Variants in PTPN4 observed in about 807,000 individuals in gnomAD.
PTPN4 encodes the protein tyrosine-protein phosphatase non-receptor type 4.
Under a neutral mutation model 135.5 loss-of-function variants are expected in PTPN4, and 49 were observed. The observed-to-expected ratio is 0.36, with a 90% CI of 0.29 to 0.46. PTPN4 has a LOEUF of 0.46. Among genes scored for constraint, PTPN4 ranks in the 20% least tolerant of loss-of-function variants. The pLI is 1.00. For synonymous variants in PTPN4, 333 were observed against 369.9 expected (o/e 0.90, Z 1.14); for missense variants, 860 against 1,101.0 (o/e 0.78, Z 3.10).
intron 13 of PTPN4, among the ~76,000 whole-genome samples, chr2:119,932,039 C>T (rs1678914276): frequency 6.6e-6 from 1 of 152,104 alleles, no homozygotes. Context: ...TTTAATACAT[C>T]CCAAGATAAG....
chr2:119,838,866 G>A (rs1677337507), intron 2 of PTPN4, among the ~76,000 whole-genome samples: 1 of 152,158 alleles, frequency 6.6e-6, no homozygotes, highest in Admixed American at 6.5e-5. Flanking sequence ...AATATGTATT[G>A]ATTGTTTTAT....
chr2:119,889,048 C>T (rs1678200462), intron 9 of PTPN4, among the ~76,000 whole-genome samples: 1 of 152,088 alleles, frequency 6.6e-6, no homozygotes, highest in Non-Finnish European at 1.5e-5. Context: ...CTTCTTGATT[C>T]AGTCGTGGTA....
intron 15 of PTPN4, among the ~76,000 whole-genome samples, chr2:119,941,606 T>G (rs565387135): frequency 1.3e-5 from 2 of 152,164 alleles, no homozygotes; most frequent in African/African-American, 4.8e-5. Flanking sequence ...TGTCTGCCAC[T>G]CTCTGAAAAG....
At chr2:119,958,197 C>T (rs889333692) in intron 22 of PTPN4, among the ~76,000 whole-genome samples, 4 of 151,716 alleles carry the variant, frequency 2.6e-5, no homozygotes, top group Non-Finnish European at 5.9e-5. Context: ...AATTAGCAGT[C>T]ATGGTGGTGC....
intron 9 of PTPN4, among the ~76,000 whole-genome samples, chr2:119,889,576 T>C (rs1678211134): frequency 6.6e-6 from 1 of 152,152 alleles, no homozygotes; most frequent in South Asian, 2.1e-4. Flanking sequence ...AACCAACTTT[T>C]TGTTTCATTT....
intron 5 of PTPN4, among the ~76,000 whole-genome samples, chr2:119,877,894 T>G (rs753475979): frequency 9.4e-4 from 68 of 72,000 alleles, no homozygotes; most frequent in Non-Finnish European, 1.2e-3. Context: ...GAAATTTGGG[T>G]TTTTTTTTTC....
rs187102173 is a variant in PTPN4 at position 119,979,417 on chromosome 2, A to G, written c.*2347A>G. The stretch of plus-strand genomic sequence containing the variant: ...TTTAAATGCCAATCATTAGAAGTTT[A>G]GAATTACATTTAAATTTCTCATATA... On this transcript the variant is annotated 3_prime_UTR_variant, in exon 27 of 27. Coordinates refer to ENST00000263708, the MANE Select transcript of PTPN4 (RefSeq NM_002830.4). 2 of 152,300 alleles carry G rather than the reference A, an allele frequency of 1.3e-5. No individual in the cohort carries two copies. The highest frequency in any genetic ancestry group is 4.8e-5 in the African/African-American group (2 of 41,592). The allele number at this position is 152,300 out of a possible 1,614,324, so 9.4% of individuals were successfully genotyped here. A position where few individuals can be genotyped will look rare whatever the true frequency, so the allele number is the denominator to read the frequency against.
chr2:119,898,559 A>G (rs1255762153), intron 9 of PTPN4, among the ~76,000 whole-genome samples: 2 of 152,132 alleles, frequency 1.3e-5, no homozygotes, highest in African/African-American at 2.4e-5. Context: ...ACTTTTTTCT[A>G]TGCCTAAGAA....
chr2:119,901,670 A>G (rs964676714), intron 10 of PTPN4, among the ~76,000 whole-genome samples: 3 of 152,238 alleles, frequency 2.0e-5, no homozygotes, highest in African/African-American at 7.2e-5. Flanking sequence ...AAATTTTGGA[A>G]GTATTATACC....
At chr2:119,836,120 T>C (rs1677288271) in intron 2 of PTPN4, among the ~76,000 whole-genome samples, 1 of 151,548 alleles carries the variant, frequency 6.6e-6, no homozygotes, top group Non-Finnish European at 1.5e-5. Context: ...ATCACTATAC[T>C]AGTTGTTTTT....
At chr2:119,837,905 T>C (rs1677319755) in intron 2 of PTPN4, among the ~76,000 whole-genome samples, 1 of 152,356 alleles carries the variant, frequency 6.6e-6, no homozygotes, top group South Asian at 2.1e-4. Flanking sequence ...TGGGGCTGCC[T>C]GCCCTGGCTG....
intron 2 of PTPN4, among the ~76,000 whole-genome samples, chr2:119,845,871 G>A (rs1316216610): frequency 1.3e-5 from 2 of 152,104 alleles, no homozygotes; most frequent in African/African-American, 4.8e-5. Flanking sequence ...CCCATCAAAT[G>A]TGATATGTTG....
At chr2:119,775,887 G>A (rs1050173800) in intron 1 of PTPN4, among the ~76,000 whole-genome samples, 6 of 151,992 alleles carry the variant, frequency 3.9e-5, no homozygotes, top group African/African-American at 2.4e-5. Flanking sequence ...AGGGTTTCAG[G>A]TATACATCTT....
chr2:119,843,670 G>A (rs1164377040), intron 2 of PTPN4, among the ~76,000 whole-genome samples: 1 of 82,564 alleles, frequency 1.2e-5, no homozygotes, highest in Non-Finnish European at 2.4e-5. Context: ...CGGGCAGAGG[G>A]GCTCCTCACT....
At chr2:119,888,017 A>G (rs902554704) in intron 9 of PTPN4, among the ~76,000 whole-genome samples, 3 of 151,922 alleles carry the variant, frequency 2.0e-5, no homozygotes, top group Non-Finnish European at 2.9e-5. Context: ...GATTTTTTCT[A>G]TTTGTTTGTG....
At chr2:119,787,012 C>G (rs956097799) in intron 1 of PTPN4, among the ~76,000 whole-genome samples, 1 of 152,024 alleles carries the variant, frequency 6.6e-6, no homozygotes, top group Non-Finnish European at 1.5e-5. Context: ...ATGCAGTAGA[C>G]GTAATATGGG....
At position 119,956,922 on chromosome 2, in the gene PTPN4, G is replaced by T. The variant is rs1679296776; in HGVS notation, c.2059G>T (p.Asp687Tyr). The T allele has an allele frequency of 6.2e-7, 1 of 1,609,004 alleles. No individual in the cohort carries two copies. Among genetic ancestry groups the T allele is most frequent in the Non-Finnish European group, 8.5e-7 (1 of 1,178,976 alleles). ...GAATATTTCCAAAAATAGATACAGA[G>T]ATATTTCGCCTTGTAAGTATCTTAT... ...PQNISKNRYRDISPYDATRVI... is the reference protein window; with the variant it reads ...PQNISKNRYRYISPYDATRVI... Residue 687 changes from aspartate to tyrosine, a missense_variant, in exon 21 of 27, where the codon GAT becomes TAT. This residue lies in a region of PTPN4 where 684 missense variants were observed against 807.0 expected (regional missense o/e 0.85). Coordinates refer to ENST00000263708, the MANE Select transcript of PTPN4 (RefSeq NM_002830.4).
intron 2 of PTPN4, among the ~76,000 whole-genome samples, chr2:119,839,055 A>G (rs1483292198): frequency 1.3e-5 from 2 of 152,098 alleles, no homozygotes; most frequent in East Asian, 1.9e-4. Context: ...TCATCCTTCA[A>G]TTGTAACTTA....
In PTPN4 at chr2:119,934,829, C is replaced by G. The variant is rs1268005309; in HGVS notation, c.1226C>G (p.Thr409Ser). 13 of 1,613,832 alleles carry G rather than the reference C, an allele frequency of 8.1e-6. No individual in the cohort carries two copies. Among genetic ancestry groups the G allele is most frequent in the Non-Finnish European group, 1.1e-5 (13 of 1,179,920 alleles). ...AATTCTACATTCACGCAGGAAGGAA[C>G]CCGGTTACGACCATCTTCAGTTGGT... is the stretch of plus-strand genomic sequence containing the variant. ...HRNSTFTQEG[T>S]RLRPSSVGHL... Residue 409 changes from threonine (T) to serine (S), a missense_variant, in exon 15 of 27, where the codon ACC becomes AGC. Thr to Ser is a moderately conservative substitution (Grantham distance 58). This residue lies in a region of PTPN4 where 684 missense variants were observed against 807.0 expected (regional missense o/e 0.85). Transcript: ENST00000263708.
Sources: allele counts gnomAD v4.1 joint callset (sites outside exome capture counted in the v4.1 genomes callset), GRCh38; gene constraint gnomAD v4.1.1; regional missense constraint gnomAD v4.1.1; transcripts MANE v1.5; gene names NCBI Gene and HGNC (gene_info 2026-07-23, HGNC 2026-07-21).